CARMIL1: variants seen among roughly 807,000 people sequenced by gnomAD.
CARMIL1 encodes capping protein regulator and myosin 1 linker 1, also known as F-actin-uncapping protein LRRC16A.
A neutral mutation model predicts 177.1 loss-of-function variants in CARMIL1; 90 were observed. The ratio of observed to expected loss-of-function variants is 0.51; its 90% CI spans 0.43 to 0.61. The LOEUF is 0.61. CARMIL1 is among the 20% of genes least tolerant of loss of function. CARMIL1 has a pLI of 0.00. For missense variants in CARMIL1, 1,380 were observed against 1,667.0 expected (o/e 0.83, Z 3.00); for synonymous variants, 577 against 606.2 (o/e 0.95, Z 0.71).
chr6:25,486,359 A>G (rs963033464), intron 12 of CARMIL1, among the ~76,000 whole-genome samples: 3 of 152,126 alleles, frequency 2.0e-5, no homozygotes, highest in South Asian at 2.1e-4. Context: ...TCTCGAGTCT[A>G]TTCAGATGTT....
At chr6:25,498,369 A>G (rs369956151) in intron 16 of CARMIL1, among the ~76,000 whole-genome samples, 1 of 151,896 alleles carries the variant, frequency 6.6e-6, no homozygotes, top group East Asian at 1.9e-4. Context: ...TTGCTATAGA[A>G]TTTTTCCCCA....
At chr6:25,510,301 T>C (rs1437047287) in intron 18 of CARMIL1, among the ~76,000 whole-genome samples, 1 of 152,132 alleles carries the variant, frequency 6.6e-6, no homozygotes, top group African/African-American at 2.4e-5. Context: ...TAAGTCTTTG[T>C]AGAGAATGAG....
intron 5 of CARMIL1, among the ~76,000 whole-genome samples, chr6:25,440,847 TG>T (rs1797681513): frequency 1.3e-5 from 2 of 152,046 alleles, no homozygotes; most frequent in South Asian, 2.1e-4. Context: ...GAGCCTGTCT[TG>T]GGGGTCCTCA....
At position 25,606,222 on chromosome 6, in the gene CARMIL1, C is replaced by T; in HGVS notation, c.3796C>T (p.Leu1266=). 6.2e-7 allele frequency: 1 copy of T among 1,613,952 alleles called. No individual in the cohort carries two copies. The highest frequency in any genetic ancestry group is 8.5e-7 in the Non-Finnish European group (1 of 1,179,876). The part of the protein sequence containing the change: ...KPLLQSPKPS[L]AARPVIPQKP... ...CCTCCTGCAGTCCCCCAAACCCAGTCTGGCAGCACGGCCCGTCATCCCGCA... is the reference window on the plus strand; with the variant it reads ...CCTCCTGCAGTCCCCCAAACCCAGTTTGGCAGCACGGCCCGTCATCCCGCA... Residue 1266 remains leucine (L), a synonymous_variant, in exon 35 of 37, where the codon CTG becomes TTG. Transcript: ENST00000329474.
chr6:25,606,901 A>G (rs1816025261), intron 35 of CARMIL1, among the ~76,000 whole-genome samples: 2 of 152,190 alleles, frequency 1.3e-5, no homozygotes, highest in African/African-American at 2.4e-5. Flanking sequence ...GGCCCTTTAC[A>G]AAAAAGTTTG....
intron 2 of CARMIL1, among the ~76,000 whole-genome samples, chr6:25,347,770 C>T (rs964427810): frequency 9.2e-5 from 14 of 152,220 alleles, no homozygotes; most frequent in African/African-American, 3.4e-4. Context: ...ATTAACTAAA[C>T]TGCAGACTTT....
intron 8 of CARMIL1, among the ~76,000 whole-genome samples, chr6:25,453,057 T>C (rs188721158): frequency 8.3e-4 from 126 of 152,320 alleles, no homozygotes; most frequent in African/African-American, 2.6e-3. Context: ...TATTGGTTCA[T>C]TGAGTTATAC....
intron 2 of CARMIL1, among the ~76,000 whole-genome samples, chr6:25,412,165 C>T (rs931855796): frequency 2.6e-5 from 4 of 152,220 alleles, no homozygotes; most frequent in African/African-American, 7.2e-5. Context: ...ATGTAAATAA[C>T]AGTAACAGAC....
In CARMIL1 at chr6:25,316,639, T is replaced by G. The variant is rs896202858; in HGVS notation, c.138+31730T>G. ...GTTGGTCAGGCTGGTCTTGAACTCC[T>G]GACCTCAGGTGATCTGCCTGCCTCG... is the stretch of plus-strand genomic sequence containing the variant. On this transcript the variant is annotated intron_variant, in intron 2 of 36. Coordinates refer to ENST00000329474, the MANE Select transcript of CARMIL1 (RefSeq NM_017640.6). 3.9e-5 allele frequency among the ~76,000 whole-genome samples: 6 copies of G among 152,262 alleles called. No individual in the cohort carries two copies. The East Asian group carries it at 7.7e-4, about 20-fold the overall frequency.
intron 2 of CARMIL1, among the ~76,000 whole-genome samples, chr6:25,341,116 T>C (rs146738852): frequency 2.0e-5 from 3 of 152,022 alleles, no homozygotes; most frequent in East Asian, 1.9e-4. Flanking sequence ...ATGATAACCT[T>C]ATGAAGTAGA....
At chr6:25,315,689 A>G (rs1784222225) in intron 2 of CARMIL1, among the ~76,000 whole-genome samples, 1 of 152,270 alleles carries the variant, frequency 6.6e-6, no homozygotes. Flanking sequence ...ATATAAATGA[A>G]GGAACCCTTT....
chr6:25,484,456 C>A (rs1280849991), intron 12 of CARMIL1, among the ~76,000 whole-genome samples: 1 of 152,204 alleles, frequency 6.6e-6, no homozygotes, highest in Non-Finnish European at 1.5e-5. Flanking sequence ...AAGATTAAGG[C>A]ATGAAAATAA....
intron 2 of CARMIL1, among the ~76,000 whole-genome samples, chr6:25,332,771 ACG>A (rs1554165963): frequency 0.011 from 946 of 87,082 alleles, 7 homozygotes; most frequent in African/African-American, 0.037. Context: ...ACACACACAC[ACG>A]CGCACACACA....
At chr6:25,463,129 A>G (rs914377206) in intron 8 of CARMIL1, among the ~76,000 whole-genome samples, 1 of 152,222 alleles carries the variant, frequency 6.6e-6, no homozygotes, top group Admixed American at 6.5e-5. Context: ...CAGATTATGA[A>G]TATGAATCAT....
intron 17 of CARMIL1, among the ~76,000 whole-genome samples, chr6:25,507,187 A>G (rs1209413913): frequency 1.3e-5 from 2 of 152,232 alleles, no homozygotes; most frequent in Non-Finnish European, 2.9e-5. Flanking sequence ...AAATTCATTT[A>G]AAAGGATTTT....
chr6:25,389,884 T>C (rs1227531100), intron 2 of CARMIL1, among the ~76,000 whole-genome samples: 1 of 152,250 alleles, frequency 6.6e-6, no homozygotes, highest in African/African-American at 2.4e-5. Flanking sequence ...TGTGTGAGAC[T>C]AGCCACTGGT....
At chr6:25,291,974 A>C (rs1194861012) in intron 2 of CARMIL1, among the ~76,000 whole-genome samples, 1 of 152,218 alleles carries the variant, frequency 6.6e-6, no homozygotes, top group Non-Finnish European at 1.5e-5. Context: ...TCCTGGCAGC[A>C]CAGTGTACCT....
intron 2 of CARMIL1, among the ~76,000 whole-genome samples, chr6:25,375,430 A>G (rs1489033785): frequency 5.3e-5 from 8 of 152,080 alleles, no homozygotes. Flanking sequence ...TCTTTCCTTC[A>G]TGTTTACTTT....
chr6:25,512,132 C>A (rs1217901802), intron 20 of CARMIL1, among the ~76,000 whole-genome samples: 1 of 152,094 alleles, frequency 6.6e-6, no homozygotes, highest in Non-Finnish European at 1.5e-5. Context: ...TTAAAATTCA[C>A]CCCAAGATGT....
Sources: gnomAD v4.1 joint callset for allele counts (sites outside exome capture counted in the v4.1 genomes callset) on GRCh38, gnomAD v4.1.1 for gene constraint, MANE v1.5 for transcripts, NCBI Gene and HGNC (gene_info 2026-07-23, HGNC 2026-07-21) for gene names.